Variants in ITGA11 observed in about 807,000 individuals in gnomAD.
The protein encoded by ITGA11 is integrin subunit alpha 11, also known as integrin alpha-11.
Under a neutral mutation model 141.9 loss-of-function variants are expected in ITGA11, and 97 were observed. The ratio of observed to expected loss-of-function variants is 0.68; its 90% CI spans 0.58 to 0.81. The LOEUF (loss-of-function observed/expected upper bound fraction) is 0.81. Among genes scored for constraint, ITGA11 ranks in the 30% least tolerant of loss-of-function variants. ITGA11 has a pLI of 0.00. For synonymous variants in ITGA11, 658 were observed against 624.6 expected (o/e 1.05, Z -0.80); for missense variants, 1,387 against 1,559.2 (o/e 0.89, Z 1.86).
rs1555444378 is a variant in ITGA11 at position 68,297,432 on chromosome 15, C to CATT, written c.*5626_*5627insAAT. ...ATCTGTACAGTTCTGCACTTCTGAG[C>CATT]TTTTTTTTTTTTTTTTTTTTTATCC... is the stretch of plus-strand genomic sequence containing the variant. On this transcript the variant is annotated 3_prime_UTR_variant, in exon 30 of 30. Transcript: ENST00000315757. 3.1e-5 allele frequency: 3 copies of CATT among 95,830 alleles called. 1 individual carries two copies. The highest frequency in any genetic ancestry group is 1.2e-4 in the African/African-American group (3 of 24,292). The allele number at this position is 95,830 out of a possible 1,614,324, so 5.9% of individuals were successfully genotyped here. A position where few individuals can be genotyped will look rare whatever the true frequency, so the allele number is the denominator to read the frequency against.
intron 10 of ITGA11, among the ~76,000 whole-genome samples, chr15:68,343,225 CATT>C (rs1236382736): frequency 1.3e-5 from 2 of 152,128 alleles, no homozygotes; most frequent in Non-Finnish European, 2.9e-5. Context: ...TCACGTTCGT[CATT>C]GCGGTAGCAT....
chr15:68,372,181 G>A (rs1895609150), intron 2 of ITGA11, among the ~76,000 whole-genome samples: 1 of 152,196 alleles, frequency 6.6e-6, no homozygotes, highest in Admixed American at 6.5e-5. Context: ...CTCCATTCTT[G>A]AGTCTGGGCA....
At chr15:68,315,803 C>A in intron 21 of ITGA11, 76 bp from the exon 22 acceptor site, 1 of 1,234,052 alleles carries the variant, frequency 8.1e-7, no homozygotes, top group Non-Finnish European at 1.1e-6. Context: ...CTCCCCACAG[C>A]CCCCTGCTGG....
intron 1 of ITGA11, among the ~76,000 whole-genome samples, chr15:68,407,645 G>A (rs888256050): frequency 6.6e-6 from 1 of 152,098 alleles, no homozygotes; most frequent in Non-Finnish European, 1.5e-5. Flanking sequence ...ATGACAGAGG[G>A]GGAAAAAAAC....
intron 23 of ITGA11, among the ~76,000 whole-genome samples, chr15:68,313,518 C>T (rs1419654610): frequency 6.6e-6 from 1 of 152,204 alleles, no homozygotes; most frequent in Non-Finnish European, 1.5e-5. Flanking sequence ...CCACTGCCCC[C>T]ACCCTCCCTT....
chr15:68,393,866 T>C (rs369864925), intron 2 of ITGA11, among the ~76,000 whole-genome samples: 264 of 152,318 alleles, frequency 1.7e-3, no homozygotes, highest in Admixed American at 4.1e-3. Flanking sequence ...TAATGTCTTG[T>C]GGAATTTATA....
chr15:68,431,645 C>A (rs1334137657), intron 1 of ITGA11, among the ~76,000 whole-genome samples: 2 of 152,250 alleles, frequency 1.3e-5, no homozygotes, highest in Non-Finnish European at 2.9e-5. Context: ...CGGGGCCGTG[C>A]GCCCTCGGCG....
In ITGA11 at chr15:68,364,748, C is replaced by T. The variant is rs759749390; in HGVS notation, c.316G>A (p.Gly106Ser). Reference sequence around the variant, plus strand: ...TTGGGGTTGGTGGCGAGACTAAGGCCGAGGCGCATGTTGTCTTTCCGCTCG... The same window carrying T: ...TTGGGGTTGGTGGCGAGACTAAGGCTGAGGCGCATGTTGTCTTTCCGCTCG... ...VSERKDNMRLGLSLATNPKDN... is the reference protein window; with the variant it reads ...VSERKDNMRLSLSLATNPKDN... The change falls in exon 4 of 30, where the codon GGC (glycine) becomes AGC (serine). Residue 106 changes from glycine (G) to serine (S), a missense_variant. Gly to Ser is a moderately conservative substitution (Grantham distance 56). Coordinates refer to ENST00000315757, the MANE Select transcript of ITGA11 (RefSeq NM_001004439.2). 6.8e-6 allele frequency: 11 copies of T among 1,613,708 alleles called. No individual in the cohort carries two copies. The highest frequency in any genetic ancestry group is 2.2e-5 in the South Asian group (2 of 91,074).
chr15:68,370,109 G>C (rs1895542440), intron 2 of ITGA11, among the ~76,000 whole-genome samples: 2 of 152,202 alleles, frequency 1.3e-5, no homozygotes, highest in Non-Finnish European at 2.9e-5. Flanking sequence ...AGCCTGCGGA[G>C]GGAGTGCGGA....
In ITGA11 at chr15:68,322,195, G is replaced by C. The variant is rs1400576220; in HGVS notation, c.2323-692C>G. ...GAGACACAGGGGTGGGAGAGAGGAAGAGATGGTCAGGGGCCTGTGTTTACA... is the reference window on the plus strand; with the variant it reads ...GAGACACAGGGGTGGGAGAGAGGAACAGATGGTCAGGGGCCTGTGTTTACA... On this transcript the variant is annotated intron_variant, in intron 18 of 29. Coordinates refer to ENST00000315757, the MANE Select transcript of ITGA11 (RefSeq NM_001004439.2). The surrounding 1 kb of genome is among the most constrained non-coding windows in gnomAD (Gnocchi z 5.6). Among the ~76,000 whole-genome samples, 1 of 152,170 alleles carries C rather than the reference G, an allele frequency of 6.6e-6. No homozygotes were observed. Among genetic ancestry groups the C allele is most frequent in the East Asian group, 1.9e-4 (1 of 5,190 alleles).
chr15:68,303,685 G>A lies in ITGA11; in HGVS notation c.3495+87C>T, dbSNP rs931922657. 10 of 870,316 alleles carry A rather than the reference G, an allele frequency of 1.1e-5. No individual in the cohort carries two copies. Among genetic ancestry groups the A allele is most frequent in the East Asian group, 1.0e-4 (4 of 39,968 alleles). 53.9% of individuals were successfully genotyped at this position (870,316 alleles called of 1,614,324 possible). The stretch of plus-strand genomic sequence containing the variant: ...TGCCAGCTCCCCTGGAGAGGAGAAC[G>A]TGGCAGCGGCCACGAAGTTCCAGGG... On this transcript the variant is annotated intron_variant, in intron 29 of 29. Transcript: ENST00000315757. This position sits in a 1 kb window ranked among gnomAD's most constrained non-coding sequence, Gnocchi z 5.3.
At position 68,397,015 on chromosome 15, in the gene ITGA11, TATTATATA is replaced by T. The variant is rs1412588371; in HGVS notation, c.164+5895_164+5902del. Among the ~76,000 whole-genome samples, 2 of 34,322 alleles carry T rather than the reference TATTATATA, an allele frequency of 5.8e-5. 1 individual carries two copies. Among genetic ancestry groups the T allele is most frequent in the Non-Finnish European group, 8.9e-5 (2 of 22,458 alleles). 22.5% of individuals were successfully genotyped at this position (34,322 alleles called of 152,430 possible). A position where few individuals can be genotyped will look rare whatever the true frequency, so the allele number is the denominator to read the frequency against. ...TATATAATATATAATATATATTACTTATTATATAATATATAAATTATTTATTATATAAT... is the reference window on the plus strand; with the variant it reads ...TATATAATATATAATATATATTACTTATATATAAATTATTTATTATATAAT... On this transcript the variant is annotated intron_variant, in intron 2 of 29. Coordinates refer to ENST00000315757, the MANE Select transcript of ITGA11 (RefSeq NM_001004439.2).
At chr15:68,382,600 C>A (rs1895890339) in intron 2 of ITGA11, among the ~76,000 whole-genome samples, 1 of 152,226 alleles carries the variant, frequency 6.6e-6, no homozygotes, top group African/African-American at 2.4e-5. Context: ...CTGAAGAGGC[C>A]AAGATGAATA....
chr15:68,413,251 G>C (rs922580480), intron 1 of ITGA11, among the ~76,000 whole-genome samples: 2 of 152,182 alleles, frequency 1.3e-5, no homozygotes, highest in Admixed American at 6.5e-5. Context: ...GTTGCTATAA[G>C]TGAGAAGACT....
intron 1 of ITGA11, among the ~76,000 whole-genome samples, chr15:68,407,004 G>A (rs530261760): frequency 4.8e-4 from 73 of 152,274 alleles, no homozygotes; most frequent in African/African-American, 1.5e-3. Flanking sequence ...TTGGGGTGCC[G>A]GGGTGATGTG....
Position 68,335,908 on chromosome 15 carries a change from G to T in ITGA11, c.1277-63C>A. On this transcript the variant is annotated intron_variant, in intron 11 of 29. Coordinates refer to ENST00000315757, the MANE Select transcript of ITGA11 (RefSeq NM_001004439.2). The surrounding 1 kb of genome is among the most constrained non-coding windows in gnomAD (Gnocchi z 4.9). The stretch of plus-strand genomic sequence containing the variant: ...GTCCTCAGCAGGCGTTGCTTGGCCC[G>T]GTGCATGGCTTGGCAGTGCCAGAGG... 1 of 1,558,290 alleles carries T rather than the reference G, an allele frequency of 6.4e-7. No individual in the cohort carries two copies. The highest frequency in any genetic ancestry group is 8.7e-7 in the Non-Finnish European group (1 of 1,148,410).
At chr15:68,337,679 G>GGGAT (rs1894409633) in intron 11 of ITGA11, among the ~76,000 whole-genome samples, 1 of 152,138 alleles carries the variant, frequency 6.6e-6, no homozygotes. Context: ...CTGGGCCAGG[G>GGGAT]GGATATTCAT....
intron 8 of ITGA11, 122 bp from the exon 9 acceptor site, chr15:68,350,904 G>T: frequency 2.1e-6 from 2 of 961,194 alleles, no homozygotes; most frequent in Non-Finnish European, 1.6e-6. Flanking sequence ...AGCCATGAGA[G>T]TTCCTCGCAA....
At chr15:68,375,349 T>C (rs1007282180) in intron 2 of ITGA11, among the ~76,000 whole-genome samples, 2 of 152,210 alleles carry the variant, frequency 1.3e-5, no homozygotes, top group African/African-American at 2.4e-5. Flanking sequence ...ATTATTCCTT[T>C]AGTGAGGCCT....
Sources: allele counts gnomAD v4.1 joint callset (sites outside exome capture counted in the v4.1 genomes callset), GRCh38; gene constraint gnomAD v4.1.1; non-coding constraint Gnocchi (gnomAD v3.1); transcripts MANE v1.5; gene names NCBI Gene and HGNC (gene_info 2026-07-23, HGNC 2026-07-21).